Variants in PKNOX2 observed in about 807,000 individuals in gnomAD.
PKNOX2 encodes PBX/knotted 1 homeobox 2, also known as homeobox protein PKNOX2.
Under a neutral mutation model 53.1 loss-of-function variants are expected in PKNOX2, and 14 were observed. That is an observed-to-expected ratio of 0.26 (90% confidence interval 0.17 to 0.41). PKNOX2 has a LOEUF of 0.41. Ranked by LOEUF, PKNOX2 falls within the 10% of genes least tolerant of loss-of-function variation. PKNOX2 has a pLI of 1.00. For missense variants in PKNOX2, 496 were observed against 602.8 expected, an observed-to-expected ratio of 0.82 and a Z score of 1.85; for synonymous variants, 257 against 242.8, an observed-to-expected ratio of 1.06 and a Z score of -0.54.
intron 1 of PKNOX2, among the ~76,000 whole-genome samples, chr11:125,212,449 C>CTTTT (rs796083611): frequency 9.5e-6 from 1 of 105,388 alleles, no homozygotes; most frequent in African/African-American, 3.4e-5. Flanking sequence ...GGAGGGGATT[C>CTTTT]TTTTTTTTTT....
chr11:125,378,976 T>TG (rs1953028997), intron 5 of PKNOX2, among the ~76,000 whole-genome samples: 1 of 149,734 alleles, frequency 6.7e-6, no homozygotes, highest in Non-Finnish European at 1.5e-5. Context: ...AAATGTTTGT[T>TG]TTTTTTTTTT....
intron 1 of PKNOX2, among the ~76,000 whole-genome samples, chr11:125,210,169 T>A (rs1174477431): frequency 6.6e-6 from 1 of 152,100 alleles, no homozygotes; most frequent in Non-Finnish European, 1.5e-5. Flanking sequence ...GACCTTTCCC[T>A]CTGAATCCTT....
At chr11:125,406,142 G>C (rs1444450664) in intron 7 of PKNOX2, among the ~76,000 whole-genome samples, 1 of 152,232 alleles carries the variant, frequency 6.6e-6, no homozygotes, top group Non-Finnish European at 1.5e-5. Context: ...AGGGGAAGCT[G>C]TCAAAAAGCT....
At chr11:125,398,149 C>T in intron 7 of PKNOX2, 87 bp downstream of exon 7, 1 of 1,405,558 alleles carries the variant, frequency 7.1e-7, no homozygotes, top group Non-Finnish European at 9.6e-7. Context: ...CCCCTGGTGA[C>T]CTTCACTGGG....
intron 2 of PKNOX2, among the ~76,000 whole-genome samples, chr11:125,287,223 C>G (rs1209547064): frequency 3.3e-5 from 5 of 152,212 alleles, no homozygotes. Flanking sequence ...AGTGGTAGAA[C>G]TGAGGCTCAG....
In PKNOX2 at chr11:125,173,725, C is replaced by A. The variant is rs947001250; in HGVS notation, c.-201+8949C>A. 2.6e-5 allele frequency among the ~76,000 whole-genome samples: 4 copies of A among 152,130 alleles called. No individual in the cohort carries two copies. In the East Asian group the frequency reaches 5.8e-4, roughly 22 times the overall value. On this transcript the variant is annotated intron_variant, in intron 1 of 12. Transcript: ENST00000298282. ...ATCTCATGGCTATGAGTGGGGGCAG[C>A]GAGGCTGCAGTGTGGCCTTGGTCTG...
chr11:125,186,631 G>A (rs1956464223), intron 1 of PKNOX2, among the ~76,000 whole-genome samples: 1 of 152,100 alleles, frequency 6.6e-6, no homozygotes, highest in South Asian at 2.1e-4. Flanking sequence ...CAGCCTGAGT[G>A]GCAGAAAGAG....
chr11:125,375,291 A>G (rs944570558), intron 5 of PKNOX2, among the ~76,000 whole-genome samples: 2 of 152,192 alleles, frequency 1.3e-5, no homozygotes, highest in East Asian at 1.9e-4. Flanking sequence ...TTGGAAACTC[A>G]CCGGATAAAG....
intron 1 of PKNOX2, among the ~76,000 whole-genome samples, chr11:125,227,701 A>C (rs11820678): frequency 0.012 from 1,901 of 152,346 alleles, 34 homozygotes; most frequent in African/African-American, 0.042. Context: ...CAAGTGTACA[A>C]GTATCTGCTT....
At chr11:125,399,569 G>C (rs184985602) in intron 7 of PKNOX2, among the ~76,000 whole-genome samples, 1 of 152,366 alleles carries the variant, frequency 6.6e-6, no homozygotes, top group Admixed American at 6.5e-5. Context: ...GAGTTAATGA[G>C]ATGGAAAGCC....
chr11:125,189,909 G>A (rs1002817430), intron 1 of PKNOX2: 1 of 150,556 alleles, frequency 6.6e-6, no homozygotes, highest in African/African-American at 2.4e-5. Flanking sequence ...TAGTATAACT[G>A]TTAATAGCTC....
intron 2 of PKNOX2, among the ~76,000 whole-genome samples, chr11:125,244,065 G>A (rs1266012102): frequency 6.6e-6 from 1 of 152,208 alleles, no homozygotes; most frequent in Non-Finnish European, 1.5e-5. Flanking sequence ...TTGGAGCTTG[G>A]TAACTGCACA....
Position 125,328,378 on chromosome 11 carries a change from AGTGAGT to A in PKNOX2, c.-129-3439_-129-3434del, listed in dbSNP as rs1362631377. Among the ~76,000 whole-genome samples, 150 of 137,682 alleles carry A rather than the reference AGTGAGT, an allele frequency of 1.1e-3. 1 individual carries two copies. Among genetic ancestry groups the A allele is most frequent in the African/African-American group, 4.1e-3 (142 of 34,802 alleles). 90.3% of individuals were successfully genotyped at this position (137,682 alleles called of 152,430 possible). ...GAGAGTGAGTGAGAGAGAGAGAGAG[AGTGAGT>A]GAGAGAGAAAGAGAGACAGAGACAG... On this transcript the variant is annotated intron_variant, in intron 2 of 12. Transcript: ENST00000298282.
intron 2 of PKNOX2, among the ~76,000 whole-genome samples, chr11:125,264,312 A>T (rs1287376367): frequency 1.3e-5 from 2 of 152,098 alleles, no homozygotes; most frequent in Non-Finnish European, 2.9e-5. Context: ...GTCCCCAGGA[A>T]ACTGGATGAT....
chr11:125,320,486 G>T (rs1419299552), intron 2 of PKNOX2, among the ~76,000 whole-genome samples: 3 of 152,118 alleles, frequency 2.0e-5, no homozygotes, highest in Non-Finnish European at 4.4e-5. Flanking sequence ...GATGCAGAAA[G>T]GTGAGGTGAC....
At chr11:125,313,385 A>G (rs1416872322) in intron 2 of PKNOX2, among the ~76,000 whole-genome samples, 1 of 152,154 alleles carries the variant, frequency 6.6e-6, no homozygotes, top group Non-Finnish European at 1.5e-5. Flanking sequence ...TCCTGTCCCA[A>G]GTAGAATTTT....
At chr11:125,197,670 C>CAAA (rs1262134689) in intron 1 of PKNOX2, among the ~76,000 whole-genome samples, 1 of 152,108 alleles carries the variant, frequency 6.6e-6, no homozygotes, top group African/African-American at 2.4e-5. Context: ...ACAACAACAA[C>CAAA]AACAAAAAAA....
At chr11:125,364,606 C>T (rs1027681328) in intron 4 of PKNOX2, among the ~76,000 whole-genome samples, 1 of 152,224 alleles carries the variant, frequency 6.6e-6, no homozygotes, top group African/African-American at 2.4e-5. Flanking sequence ...GAGCACACTG[C>T]TCCCCCTATA....
rs112777673 is a variant in PKNOX2 at position 125,311,322 on chromosome 11, C to A, written c.-129-20497C>A. On this transcript the variant is annotated intron_variant, in intron 2 of 12. Coordinates refer to ENST00000298282, the MANE Select transcript of PKNOX2 (RefSeq NM_001382323.2). ...GCATTAGCAAGGAAATCCAACCCCA[C>A]CAATATTTTTTTGATCACCTCTTAC... Among the ~76,000 whole-genome samples, 187 of 152,278 alleles carry A rather than the reference C, an allele frequency of 1.2e-3. 1 individual carries two copies. Among genetic ancestry groups the A allele is most frequent in the African/African-American group, 4.3e-3 (179 of 41,550 alleles).
Sources: gnomAD v4.1 joint callset for allele counts (sites outside exome capture counted in the v4.1 genomes callset) on GRCh38, gnomAD v4.1.1 for gene constraint, MANE v1.5 for transcripts, NCBI Gene and HGNC (gene_info 2026-07-23, HGNC 2026-07-21) for gene names.